Variants in BTBD1 observed in about 807,000 individuals in gnomAD.
BTBD1 encodes the protein BTB/POZ domain-containing protein 1.
BTBD1 carries 34 observed loss-of-function variants against 48.0 expected under a neutral mutation model. The ratio of observed to expected loss-of-function variants is 0.71; its 90% CI spans 0.54 to 0.94. BTBD1 has a LOEUF of 0.94. BTBD1 is among the 40% of genes least tolerant of loss of function. The pLI is 0.00. For missense variants in BTBD1, 543 were observed against 625.6 expected (o/e 0.87, Z 1.41); for synonymous variants, 261 against 242.1 (o/e 1.08, Z -0.72).
chr15:83,021,742 AAAT>A lies in BTBD1; in HGVS notation c.1056-983_1056-981del, dbSNP rs57670003. 3.0e-4 allele frequency among the ~76,000 whole-genome samples: 43 copies of A among 145,350 alleles called. 1 individual carries two copies. The highest frequency in any genetic ancestry group is 4.1e-4 in the Admixed American group (6 of 14,486). On this transcript the variant is annotated intron_variant, in intron 5 of 7. Coordinates refer to ENST00000261721, the MANE Select transcript of BTBD1 (RefSeq NM_025238.4). ...GGGTGACAGAGCGAGACTCCTTCTCAAATAATAATAATAATAATAATAATAATA... is the reference window on the plus strand; with the variant it reads ...GGGTGACAGAGCGAGACTCCTTCTCAAATAATAATAATAATAATAATAATA...
At chr15:83,031,172 C>T (rs569159687) in intron 4 of BTBD1, among the ~76,000 whole-genome samples, 9 of 152,364 alleles carry the variant, frequency 5.9e-5, no homozygotes, top group South Asian at 4.1e-4. Flanking sequence ...TATTTCTCCA[C>T]ATCCTCTCCA....
At chr15:83,020,905 A>T in intron 5 of BTBD1, 143 bp from the exon 6 acceptor site, 1 of 533,624 alleles carries the variant, frequency 1.9e-6, no homozygotes, top group South Asian at 3.0e-5. Flanking sequence ...TGGAAATGTC[A>T]TCTGTTTGCT....
intron 5 of BTBD1, among the ~76,000 whole-genome samples, chr15:83,025,447 A>G (rs778896691): frequency 1.6e-4 from 25 of 151,606 alleles, no homozygotes; most frequent in Non-Finnish European, 3.2e-4. Context: ...ATTCTCTAAC[A>G]TACATAGGTT....
intron 5 of BTBD1, among the ~76,000 whole-genome samples, chr15:83,025,357 CAAA>C (rs767479917): frequency 3.1e-5 from 2 of 64,174 alleles, no homozygotes; most frequent in African/African-American, 5.8e-5. Flanking sequence ...GACTCCATCA[CAAA>C]AAAAAAAAAA....
chr15:83,031,492 G>A (rs1403837140), intron 4 of BTBD1, among the ~76,000 whole-genome samples: 2 of 152,140 alleles, frequency 1.3e-5, no homozygotes, highest in Non-Finnish European at 2.9e-5. Flanking sequence ...CATGGATGGA[G>A]GTGGAGACCA....
At chr15:83,026,474 T>C (rs1030172187) in intron 5 of BTBD1, among the ~76,000 whole-genome samples, 36 of 151,774 alleles carry the variant, frequency 2.4e-4, no homozygotes, top group Admixed American at 1.4e-3. Context: ...ACTACAAGCC[T>C]TGAACCTCAT....
chr15:83,066,989 G>C lies in BTBD1; in HGVS notation c.163C>G (p.Leu55Val). The C allele has an allele frequency of 1.3e-6, 2 of 1,585,404 alleles. No homozygotes were observed. The highest frequency in any genetic ancestry group is 1.7e-6 in the Non-Finnish European group (2 of 1,167,872). ...LYNWQATKAS[L>V]KERFAFLFNS... ...AAGAGGAAGGCGAAGCGCTCCTTCAGCGACGCCTTGGTCGCCTGCCAGTTG... is the reference window on the plus strand; with the variant it reads ...AAGAGGAAGGCGAAGCGCTCCTTCACCGACGCCTTGGTCGCCTGCCAGTTG... The change falls in exon 1 of 8, where the codon CTG (leucine) becomes GTG (valine). Residue 55 changes from leucine (L) to valine (V), a missense_variant. Physicochemically the swap from Leu to Val is conservative, Grantham distance 32 (BLOSUM62 1). This residue lies in a region of BTBD1 where 173 missense variants were observed against 163.9 expected (regional missense o/e 1.06). Coordinates refer to ENST00000261721, the MANE Select transcript of BTBD1 (RefSeq NM_025238.4).
In BTBD1 at chr15:83,066,980, G is replaced by A; in HGVS notation, c.172C>T (p.Arg58Cys). 1 of 1,584,192 alleles carries A rather than the reference G, an allele frequency of 6.3e-7. No individual in the cohort carries two copies. Among genetic ancestry groups the A allele is most frequent in the Non-Finnish European group, 8.6e-7 (1 of 1,167,344 alleles). Residue 58 changes from arginine to cysteine, a missense_variant, in exon 1 of 8, where the codon CGC becomes TGC. Arg to Cys is a radical substitution (Grantham distance 180). This residue lies in a region of BTBD1 where 173 missense variants were observed against 163.9 expected (regional missense o/e 1.06). Coordinates refer to ENST00000261721, the MANE Select transcript of BTBD1 (RefSeq NM_025238.4). ...WQATKASLKE[R>C]FAFLFNSELL... is the part of the protein sequence containing the mutation. Reference sequence around the variant, plus strand: ...TCCGAGTTGAAGAGGAAGGCGAAGCGCTCCTTCAGCGACGCCTTGGTCGCC... The same window carrying A: ...TCCGAGTTGAAGAGGAAGGCGAAGCACTCCTTCAGCGACGCCTTGGTCGCC...
At chr15:83,024,656 T>C (rs1008731279) in intron 5 of BTBD1, among the ~76,000 whole-genome samples, 3 of 152,118 alleles carry the variant, frequency 2.0e-5, no homozygotes, top group Non-Finnish European at 2.9e-5. Flanking sequence ...TTTTTTGTTT[T>C]TGAGACAGGG....
At chr15:83,038,164 T>C (rs1300956280) in intron 4 of BTBD1, among the ~76,000 whole-genome samples, 1 of 152,090 alleles carries the variant, frequency 6.6e-6, no homozygotes, top group Non-Finnish European at 1.5e-5. Flanking sequence ...ATAAAATTAA[T>C]GTACAAAAGT....
rs1444020039 is a variant in BTBD1 at position 83,041,481 on chromosome 15, T to G, written c.862+247A>C. 2.6e-5 allele frequency among the ~76,000 whole-genome samples: 4 copies of G among 152,128 alleles called. No homozygotes were observed. The South Asian group carries it at 6.2e-4, about 24-fold the overall frequency. On this transcript the variant is annotated intron_variant, in intron 4 of 7. Transcript: ENST00000261721. ...ACCTCCGTCTCCTGGGTTCAAGCGA[T>G]TCTCCTGCCTCAGCCTCCTGAGTAG...
intron 2 of BTBD1, among the ~76,000 whole-genome samples, chr15:83,052,101 C>T (rs577137834): frequency 2.6e-5 from 4 of 152,184 alleles, no homozygotes; most frequent in Admixed American, 6.5e-5. Flanking sequence ...GGACCACAGG[C>T]GCCTGCCACC....
chr15:83,065,848 A>G (rs1232235696), intron 1 of BTBD1, among the ~76,000 whole-genome samples: 12 of 152,240 alleles, frequency 7.9e-5, no homozygotes, highest in Non-Finnish European at 1.6e-4. Context: ...ATAACCAACA[A>G]GCAAATTCTA....
chr15:83,031,746 G>A (rs1349398661), intron 4 of BTBD1, among the ~76,000 whole-genome samples: 1 of 151,670 alleles, frequency 6.6e-6, no homozygotes, highest in Non-Finnish European at 1.5e-5. Flanking sequence ...CCTGCACGTT[G>A]TGCACATGTA....
At chr15:83,050,705 T>C (rs2032966094) in intron 2 of BTBD1, among the ~76,000 whole-genome samples, 1 of 152,154 alleles carries the variant, frequency 6.6e-6, no homozygotes, top group South Asian at 2.1e-4. Flanking sequence ...TTGCCTGTTT[T>C]GATTTTGAGG....
At chr15:83,051,873 T>TACACACACACACACAC (rs766997533) in intron 2 of BTBD1, among the ~76,000 whole-genome samples, 464 of 23,666 alleles carry the variant, frequency 0.02, 3 homozygotes, top group African/African-American at 0.081. Context: ...TTTTTCCATA[T>TACACACACACACACAC]ATATACACAC....
At chr15:83,047,249 C>T (rs902936860) in intron 3 of BTBD1, among the ~76,000 whole-genome samples, 1 of 152,128 alleles carries the variant, frequency 6.6e-6, no homozygotes, top group Non-Finnish European at 1.5e-5. Flanking sequence ...AGTAATGGAA[C>T]AGGGATTGCT....
At chr15:83,018,343 T>C in intron 7 of BTBD1, 118 bp from the exon 8 acceptor site, 4 of 882,662 alleles carry the variant, frequency 4.5e-6, no homozygotes, top group Non-Finnish European at 6.4e-6. Flanking sequence ...TATAAAATTT[T>C]ATGCTGTCAT....
chr15:83,034,750 G>C (rs1464133539), intron 4 of BTBD1, among the ~76,000 whole-genome samples: 1 of 151,914 alleles, frequency 6.6e-6, no homozygotes, highest in African/African-American at 2.4e-5. Context: ...AAATAAAGAA[G>C]AAAACTGATG....
Sources: gnomAD v4.1 joint callset for allele counts (sites outside exome capture counted in the v4.1 genomes callset) on GRCh38, gnomAD v4.1.1 for gene constraint, gnomAD v4.1.1 regional missense constraint, MANE v1.5 for transcripts, NCBI Gene and HGNC (gene_info 2026-07-23, HGNC 2026-07-21) for gene names.